Variants in FARS2 observed in about 807,000 individuals in gnomAD.
FARS2 encodes the protein phenylalanine--tRNA ligase, mitochondrial.
FARS2 carries 40 observed loss-of-function variants against 46.4 expected under a neutral mutation model. That is an observed-to-expected ratio of 0.86 (90% confidence interval 0.67 to 1.12). FARS2 has a LOEUF of 1.12. FARS2 is among the 50% of genes most tolerant of loss of function. The pLI, the probability that FARS2 is intolerant of heterozygous loss-of-function variation, is 0.00. For missense variants in FARS2, 513 were observed against 567.9 expected (o/e 0.90, Z 0.98); for synonymous variants, 234 against 214.9 (o/e 1.09, Z -0.78).
intron 3 of FARS2, among the ~76,000 whole-genome samples, chr6:5,413,912 A>G (rs1389442276): frequency 6.6e-6 from 1 of 152,216 alleles, no homozygotes; most frequent in Non-Finnish European, 1.5e-5. Context: ...GAGAAAATCT[A>G]GGTGACTGGC....
intron 6 of FARS2, among the ~76,000 whole-genome samples, chr6:5,740,993 C>T (rs1761295586): frequency 6.6e-6 from 1 of 152,180 alleles, no homozygotes; most frequent in Non-Finnish European, 1.5e-5. Context: ...CTTCTGACTG[C>T]CACACTGTTC....
rs180882607 is a variant in FARS2 at position 5,350,574 on chromosome 6, G to T, written c.-21-17976G>T. Among the ~76,000 whole-genome samples, 11 of 152,064 alleles carry T rather than the reference G, an allele frequency of 7.2e-5. No homozygotes were observed. In the East Asian group the frequency reaches 1.9e-3, roughly 27 times the overall value. ...ACAAAAGCCTGAAAGCAATTCAGTG[G>T]AGGAAGGCTACCTGCTTCAGGAAAT... On this transcript the variant is annotated intron_variant, in intron 1 of 6. Coordinates refer to ENST00000274680, the MANE Select transcript of FARS2 (RefSeq NM_006567.5).
intron 1 of FARS2, among the ~76,000 whole-genome samples, chr6:5,318,650 T>TA (rs1769738906): frequency 6.6e-6 from 1 of 152,188 alleles, no homozygotes; most frequent in Non-Finnish European, 1.5e-5. Flanking sequence ...GTGGGAGTAC[T>TA]AAGCCAAGTG....
chr6:5,698,408 C>T (rs1239427196), intron 6 of FARS2, among the ~76,000 whole-genome samples: 1 of 152,156 alleles, frequency 6.6e-6, no homozygotes, highest in African/African-American at 2.4e-5. Flanking sequence ...ACGGATCCAC[C>T]CCTAGGATCC....
At chr6:5,599,888 T>G (rs1774412929) in intron 5 of FARS2, among the ~76,000 whole-genome samples, 1 of 146,268 alleles carries the variant, frequency 6.8e-6, no homozygotes, top group South Asian at 2.1e-4. Flanking sequence ...GCTTGCTTCT[T>G]TTTTTTTTTT....
intron 6 of FARS2, among the ~76,000 whole-genome samples, chr6:5,626,388 C>A (rs1335164598): frequency 6.6e-6 from 1 of 152,144 alleles, no homozygotes; most frequent in African/African-American, 2.4e-5. Context: ...AGGGGGTGTC[C>A]ACAGCAAGCT....
chr6:5,318,376 CA>C (rs1277470979), intron 1 of FARS2, among the ~76,000 whole-genome samples: 14 of 26,690 alleles, frequency 5.2e-4, no homozygotes, highest in Non-Finnish European at 9.9e-4. Flanking sequence ...AGCAAACAAG[CA>C]AAAAAAAACC....
chr6:5,660,974 A>G (rs988901092), intron 6 of FARS2, among the ~76,000 whole-genome samples: 2 of 152,260 alleles, frequency 1.3e-5, no homozygotes, highest in African/African-American at 4.8e-5. Context: ...TGGTTTTCAA[A>G]AACATGACTC....
chr6:5,289,363 CACAA>C (rs1767346435), intron 1 of FARS2, among the ~76,000 whole-genome samples: 1 of 152,200 alleles, frequency 6.6e-6, no homozygotes, highest in African/African-American at 2.4e-5. Context: ...AGACAAAACG[CACAA>C]ACAAAGCAAT....
intron 5 of FARS2, among the ~76,000 whole-genome samples, chr6:5,604,581 G>T (rs189009516): frequency 1.4e-4 from 21 of 152,226 alleles, no homozygotes; most frequent in Middle Eastern, 3.4e-3. Flanking sequence ...GCAGGCAGGG[G>T]TTTCTCTTCT....
At chr6:5,423,783 C>T (rs1342030883) in intron 3 of FARS2, among the ~76,000 whole-genome samples, 1 of 152,048 alleles carries the variant, frequency 6.6e-6, no homozygotes, top group East Asian at 1.9e-4. Flanking sequence ...TGTGTGGACG[C>T]ATAGGATATA....
chr6:5,620,313 G>A (rs1775703002), intron 6 of FARS2, among the ~76,000 whole-genome samples: 2 of 152,252 alleles, frequency 1.3e-5, no homozygotes, highest in Admixed American at 1.3e-4. Flanking sequence ...TTTCTTTAAT[G>A]GAGAATGTCT....
At chr6:5,516,334 T>C (rs1768791508) in intron 4 of FARS2, among the ~76,000 whole-genome samples, 1 of 152,254 alleles carries the variant, frequency 6.6e-6, no homozygotes, top group Non-Finnish European at 1.5e-5. Flanking sequence ...GTATGTTCTC[T>C]GCCGTGTCAT....
intron 4 of FARS2, among the ~76,000 whole-genome samples, chr6:5,499,718 T>C (rs988207405): frequency 1.3e-5 from 2 of 152,218 alleles, no homozygotes; most frequent in Non-Finnish European, 2.9e-5. Context: ...CTTGGTGATA[T>C]CATTGCCTGC....
At chr6:5,458,613 C>T (rs572614445) in intron 4 of FARS2, among the ~76,000 whole-genome samples, 4 of 152,186 alleles carry the variant, frequency 2.6e-5, no homozygotes, top group Non-Finnish European at 4.4e-5. Flanking sequence ...ACCTCATACA[C>T]GTGGATAATA....
chr6:5,257,470 G>A (rs1429682303), upstream of FARS2, among the ~76,000 whole-genome samples: 1 of 152,198 alleles, frequency 6.6e-6, no homozygotes, highest in African/African-American at 2.4e-5. Context: ...TTGATAACAG[G>A]TGCCTAGCTT....
chr6:5,270,861 T>C (rs1765896845), intron 1 of FARS2, among the ~76,000 whole-genome samples: 2 of 152,164 alleles, frequency 1.3e-5, no homozygotes. Flanking sequence ...CCTTTGCAAA[T>C]GCTGATCCAG....
At chr6:5,683,597 G>T (rs567936098) in intron 6 of FARS2, among the ~76,000 whole-genome samples, 2 of 151,398 alleles carry the variant, frequency 1.3e-5, no homozygotes, top group African/African-American at 2.4e-5. Context: ...TTTTGTTTTT[G>T]TTTTTTTCTT....
chr6:5,531,019 C>T (rs1561688944), intron 4 of FARS2, among the ~76,000 whole-genome samples: 1 of 151,698 alleles, frequency 6.6e-6, no homozygotes, highest in Non-Finnish European at 1.5e-5. Context: ...CTCCTGGTCA[C>T]ATGTTAGCTA....
Sources: allele counts gnomAD v4.1 joint callset (sites outside exome capture counted in the v4.1 genomes callset), GRCh38; gene constraint gnomAD v4.1.1; transcripts MANE v1.5; gene names NCBI Gene and HGNC (gene_info 2026-07-23, HGNC 2026-07-21).